The following BANP variants were observed in gnomAD, a reference collection of about 807,000 sequenced individuals.
BANP encodes the protein BTG3 associated nuclear protein.
A neutral mutation model predicts 68.1 loss-of-function variants in BANP; 11 were observed. The observed-to-expected ratio is 0.16, with a 90% CI of 0.10 to 0.27. BANP has a LOEUF of 0.27. Among genes scored for constraint, BANP ranks in the 10% least tolerant of loss-of-function variants. The pLI, the probability that BANP is intolerant of heterozygous loss-of-function variation, is 1.00. For missense variants in BANP, 504 were observed against 722.7 expected (o/e 0.70, Z 3.47); for synonymous variants, 329 against 303.2 (o/e 1.09, Z -0.88).
chr16:88,076,169 T>C (rs1012626183), intron 13 of BANP, among the ~76,000 whole-genome samples: 3 of 152,258 alleles, frequency 2.0e-5, no homozygotes, highest in Admixed American at 2.0e-4. Context: ...AAATCCTTTG[T>C]TGAAACATTG....
chr16:87,977,602 A>G (rs1447753808), intron 2 of BANP, among the ~76,000 whole-genome samples: 2 of 152,234 alleles, frequency 1.3e-5, no homozygotes, highest in Non-Finnish European at 2.9e-5. Context: ...AATAAAGTTT[A>G]ACAGGATAGT....
At chr16:88,030,564 G>T (rs954215893) in intron 8 of BANP, among the ~76,000 whole-genome samples, 3 of 152,248 alleles carry the variant, frequency 2.0e-5, no homozygotes, top group Non-Finnish European at 4.4e-5. Flanking sequence ...CCTGACGACT[G>T]CCAGATATGT....
In BANP at chr16:88,076,683, GC is replaced by G; in HGVS notation, c.*26del. 1.3e-6 allele frequency: 2 copies of G among 1,597,466 alleles called. No individual in the cohort carries two copies. Among genetic ancestry groups the G allele is most frequent in the Non-Finnish European group, 1.7e-6 (2 of 1,175,744 alleles). ...GTGAGCGGTGCCCATGGCACCAGGA[GC>G]CCCTCGCCGGCTCCGCCTACGGCCC... On this transcript the variant is annotated 3_prime_UTR_variant, in exon 14 of 14. Coordinates refer to ENST00000682872, the MANE Select transcript of BANP (RefSeq NM_001386991.1).
At chr16:88,022,242 A>G (rs1269555941) in intron 7 of BANP, among the ~76,000 whole-genome samples, 3 of 152,168 alleles carry the variant, frequency 2.0e-5, no homozygotes, top group Non-Finnish European at 4.4e-5. Context: ...CGGCTCGCTC[A>G]CGCCTCTGCT....
chr16:88,031,435 G>C (rs2078143038), intron 8 of BANP, among the ~76,000 whole-genome samples: 1 of 152,030 alleles, frequency 6.6e-6, no homozygotes, highest in Non-Finnish European at 1.5e-5. Context: ...TTTGAGGTCA[G>C]GAGTTCAAAA....
At chr16:88,007,255 G>C (rs2071496703) in intron 6 of BANP, among the ~76,000 whole-genome samples, 1 of 152,134 alleles carries the variant, frequency 6.6e-6, no homozygotes, top group African/African-American at 2.4e-5. Flanking sequence ...ATGTCTCTTG[G>C]ATCAGTGTCT....
intron 4 of BANP, among the ~76,000 whole-genome samples, chr16:87,997,964 G>A (rs1038172328): frequency 6.6e-6 from 1 of 152,234 alleles, no homozygotes; most frequent in African/African-American, 2.4e-5. Flanking sequence ...ACCCCGCACA[G>A]TGGATGAGAA....
intron 11 of BANP, among the ~76,000 whole-genome samples, chr16:88,054,934 G>T (rs2084613939): frequency 6.6e-6 from 1 of 152,128 alleles, no homozygotes; most frequent in Non-Finnish European, 1.5e-5. Flanking sequence ...TTCCTAGGGG[G>T]TATTATATCT....
At chr16:88,026,997 C>A (rs111717711) in intron 7 of BANP, among the ~76,000 whole-genome samples, 5,316 of 152,322 alleles carry the variant, frequency 0.035, 155 homozygotes, top group Non-Finnish European at 0.051. Context: ...GATGGTGAAG[C>A]CAGGACATGA....
intron 11 of BANP, among the ~76,000 whole-genome samples, chr16:88,060,768 G>T (rs2086525171): frequency 6.6e-6 from 1 of 152,138 alleles, no homozygotes; most frequent in Non-Finnish European, 1.5e-5. Flanking sequence ...CTTTCCTGGG[G>T]ACACCTGAGC....
rs116495087 is a variant in BANP, at chr16:87,963,157, T to G, written c.-69+11642T>G. On this transcript the variant is annotated intron_variant, in intron 1 of 13. Coordinates refer to ENST00000682872, the MANE Select transcript of BANP (RefSeq NM_001386991.1). Reference sequence around the variant, plus strand: ...CCTGGGAGTCTCCACACAGAAGCCGTCTGAGGAGAAGGGCGCCAGGACGAT... The same window carrying G: ...CCTGGGAGTCTCCACACAGAAGCCGGCTGAGGAGAAGGGCGCCAGGACGAT... 7.4e-3 allele frequency among the ~76,000 whole-genome samples: 1,119 copies of G among 152,176 alleles called. 15 individuals carry two copies. The highest frequency in any genetic ancestry group is 0.025 in the African/African-American group (1,059 of 41,530).
intron 4 of BANP, among the ~76,000 whole-genome samples, chr16:87,986,372 G>A (rs1567668737): frequency 1.3e-5 from 2 of 152,158 alleles, no homozygotes; most frequent in Non-Finnish European, 2.9e-5. Context: ...AATGTGTGAT[G>A]GGGGGAGAGG....
chr16:87,961,414 C>G (rs7204213), intron 1 of BANP, among the ~76,000 whole-genome samples: 37,350 of 142,426 alleles, frequency 0.26, 7,027 homozygotes, highest in East Asian at 0.5. Flanking sequence ...TCTGCACCCC[C>G]CCGGGCCTCC....
intron 4 of BANP, among the ~76,000 whole-genome samples, chr16:87,998,128 C>T (rs916982367): frequency 6.6e-6 from 1 of 152,196 alleles, no homozygotes; most frequent in African/African-American, 2.4e-5. Context: ...TGAATTCCTC[C>T]GTGTCCCAAA....
intron 11 of BANP, among the ~76,000 whole-genome samples, chr16:88,060,511 T>TC (rs1466533925): frequency 1.3e-5 from 2 of 152,230 alleles, no homozygotes; most frequent in African/African-American, 4.8e-5. Flanking sequence ...AGAAGTTCGT[T>TC]CTTTTGCCCT....
In BANP at chr16:87,981,031, T is replaced by A. The variant is rs1447021233; in HGVS notation, c.71-5T>A. 3.7e-6 allele frequency: 6 copies of A among 1,607,236 alleles called. No homozygotes were observed. The South Asian group carries it at 5.5e-5, about 15-fold the overall frequency. Reference sequence around the variant, plus strand: ...AACATTTTTTTTCTCTGTCACTGATTTCAGTTGTTTTGGAGAATCATGTAG... The same window carrying A: ...AACATTTTTTTTCTCTGTCACTGATATCAGTTGTTTTGGAGAATCATGTAG... On this transcript the variant is annotated splice_polypyrimidine_tract_variant and splice_region_variant and intron_variant, in intron 2 of 13. Transcript: ENST00000682872.
At chr16:88,054,514 T>C (rs907565395) in intron 11 of BANP, among the ~76,000 whole-genome samples, 6 of 152,046 alleles carry the variant, frequency 3.9e-5, no homozygotes, top group African/African-American at 7.2e-5. Context: ...TCTACCACCA[T>C]TGTCCCTGTC....
intron 2 of BANP, among the ~76,000 whole-genome samples, chr16:87,976,869 T>C (rs559536225): frequency 2.6e-5 from 4 of 152,234 alleles, no homozygotes; most frequent in East Asian, 1.9e-4. Flanking sequence ...TCCCTGTTTC[T>C]AGTTCAGAAG....
At chr16:88,005,659 G>A (rs1279124660) in intron 5 of BANP, among the ~76,000 whole-genome samples, 1 of 152,178 alleles carries the variant, frequency 6.6e-6, no homozygotes, top group African/African-American at 2.4e-5. Context: ...CTCGCATTGC[G>A]AGGGGGAGCC....
Sources: allele counts gnomAD v4.1 joint callset (sites outside exome capture counted in the v4.1 genomes callset), GRCh38; gene constraint gnomAD v4.1.1; transcripts MANE v1.5; gene names NCBI Gene and HGNC (gene_info 2026-07-23, HGNC 2026-07-21).